FGD5: variants seen among roughly 807,000 people sequenced by gnomAD.
The protein encoded by FGD5 is FYVE, RhoGEF and PH domain containing 5, also known as FYVE, RhoGEF and PH domain-containing protein 5.
In FGD5, 28 loss-of-function variants were observed where a neutral mutation model predicts 133.4. The ratio of observed to expected loss-of-function variants is 0.21; its 90% confidence interval spans 0.16 to 0.29. The LOEUF is 0.29. Ranked by LOEUF, FGD5 falls within the 10% of genes least tolerant of loss-of-function variation. The pLI is 1.00. For missense variants in FGD5, 1,858 were observed against 1,895.2 expected (o/e 0.98, Z 0.36); for synonymous variants, 810 against 776.5 (o/e 1.04, Z -0.72).
intron 1 of FGD5, among the ~76,000 whole-genome samples, chr3:14,853,139 T>TA (rs2037200021): frequency 6.6e-6 from 1 of 152,106 alleles, no homozygotes; most frequent in African/African-American, 2.4e-5. Context: ...TGGTCCCAGT[T>TA]ACAGTGCAAA....
chr3:14,838,314 T>C (rs775782375), intron 1 of FGD5, among the ~76,000 whole-genome samples: 1 of 152,190 alleles, frequency 6.6e-6, no homozygotes, highest in Non-Finnish European at 1.5e-5. Flanking sequence ...CCTGTGTGAT[T>C]AGATTGGGCC....
intron 6 of FGD5, among the ~76,000 whole-genome samples, chr3:14,898,451 A>AG (rs952992248): frequency 6.6e-6 from 1 of 152,140 alleles, no homozygotes; most frequent in African/African-American, 2.4e-5. Context: ...GGGCAGAAAA[A>AG]GGGGGAGCTT....
chr3:14,818,951 T>C (rs1353790687), upstream of FGD5: 1 of 1,443,794 alleles, frequency 6.9e-7, no homozygotes, highest in East Asian at 2.5e-5. Context: ...ATTTTTGTCA[T>C]CTAGATTCAC....
chr3:14,813,738 C>CAG (rs3039751), intron 1 of FGD5, among the ~76,000 whole-genome samples: 47,972 of 151,838 alleles, frequency 0.32, 8,232 homozygotes, highest in African/African-American at 0.44. Flanking sequence ...CCAGTTAAGG[C>CAG]AGAGCCAGGT....
rs754890161 is a variant in FGD5, at chr3:14,910,903, A to G, written c.3379A>G (p.Asn1127Asp). 9 of 1,613,438 alleles carry G rather than the reference A, an allele frequency of 5.6e-6. No homozygotes were observed. Among genetic ancestry groups the G allele is most frequent in the Middle Eastern group, 3.3e-4 (2 of 6,060 alleles). ...GACGCTGATGAAAGTAACAGGGAAA[A>G]ACAGACGGCCCCGGCACCTATTTCT... is the stretch of plus-strand genomic sequence containing the variant. The part of the protein sequence containing the change: ...EGTLMKVTGK[N>D]RRPRHLFLMN... Residue 1127 changes from asparagine (N) to aspartate (D), a missense_variant, in exon 11 of 20, where the codon AAC (asparagine) becomes GAC (aspartate). Coordinates refer to ENST00000285046, the MANE Select transcript of FGD5 (RefSeq NM_152536.4).
Position 14,922,910 on chromosome 3 carries a change from G to A in FGD5, c.3808-136G>A, listed in dbSNP as rs186168029. 46 of 1,254,284 alleles carry A rather than the reference G, an allele frequency of 3.7e-5. No homozygotes were observed. Among genetic ancestry groups the A allele is most frequent in the East Asian group, 2.3e-4 (10 of 42,678 alleles). The allele number at this position is 1,254,284 out of a possible 1,614,324, so 77.7% of individuals were successfully genotyped here. A position where few individuals can be genotyped will look rare whatever the true frequency, so the allele number is the denominator to read the frequency against. Reference sequence around the variant, plus strand: ...GCCTTGCCGGAAAAGTAGGGGACACGCACAGCTCCATGATCAGAACCTGGG... The same window carrying A: ...GCCTTGCCGGAAAAGTAGGGGACACACACAGCTCCATGATCAGAACCTGGG... On this transcript the variant is annotated intron_variant, in intron 15 of 19. Coordinates refer to ENST00000285046, the MANE Select transcript of FGD5 (RefSeq NM_152536.4). This position sits in a 1 kb window ranked among gnomAD's most constrained non-coding sequence, Gnocchi z 4.1.
At position 14,933,174 on chromosome 3, in the gene FGD5, T is replaced by C; in HGVS notation, c.*7T>C. On this transcript the variant is annotated 3_prime_UTR_variant, in exon 20 of 20. Transcript: ENST00000285046. ...AGATGCGAGTGTGTTATAGCAGTTA[T>C]CAAGCATGTGGACTTGTAACAAATT... 1 of 1,613,352 alleles carries C rather than the reference T, an allele frequency of 6.2e-7. No individual in the cohort carries two copies. The highest frequency in any genetic ancestry group is 8.5e-7 in the Non-Finnish European group (1 of 1,179,640).
intron 4 of FGD5, among the ~76,000 whole-genome samples, chr3:14,883,766 T>G (rs557155035): frequency 6.6e-6 from 1 of 152,340 alleles, no homozygotes; most frequent in Non-Finnish European, 1.5e-5. Flanking sequence ...AACAGACAAT[T>G]TACATTACTC....
rs373602766 is a variant in FGD5 at position 14,923,100 on chromosome 3, A to G, written c.3862A>G (p.Arg1288Gly). The G allele has an allele frequency of 7.4e-6, 12 of 1,613,932 alleles. No individual in the cohort carries two copies. The highest frequency in any genetic ancestry group is 5.0e-5 in the Admixed American group (3 of 60,016). Residue 1288 changes from arginine to glycine, a missense_variant, in exon 16 of 20, where the codon AGG becomes GGG. Coordinates refer to ENST00000285046, the MANE Select transcript of FGD5 (RefSeq NM_152536.4). ...NKYPLKYLKDRMAKVCDGCFG... is the reference protein window; with the variant it reads ...NKYPLKYLKDGMAKVCDGCFG... The stretch of plus-strand genomic sequence containing the variant: ...GTACCCGCTGAAGTACCTGAAGGAC[A>G]GGATGGCCAAGGTCTGCGACGGCTG...
At chr3:14,889,586 TAAGC>T (rs2037987524) in intron 4 of FGD5, among the ~76,000 whole-genome samples, 1 of 152,212 alleles carries the variant, frequency 6.6e-6, no homozygotes, top group Non-Finnish European at 1.5e-5. Flanking sequence ...AGTCACGGGA[TAAGC>T]ATAGACATAG....
chr3:14,877,156 G>C (rs578087208), intron 2 of FGD5, among the ~76,000 whole-genome samples: 2 of 152,248 alleles, frequency 1.3e-5, no homozygotes, highest in Non-Finnish European at 2.9e-5. Context: ...CGTCAGCCTC[G>C]GAGTTCATTT....
intron 18 of FGD5, 193 bp from the exon 19 acceptor site, chr3:14,932,384 G>A: frequency 8.6e-6 from 5 of 584,042 alleles, no homozygotes; most frequent in Non-Finnish European, 1.5e-5. Context: ...CACCCAGCCA[G>A]TGTCGTTTCT....
chr3:14,863,979 G>T, intron 1 of FGD5, 149 bp from the exon 2 acceptor site: 1 of 1,135,172 alleles, frequency 8.8e-7, no homozygotes, highest in Non-Finnish European at 1.2e-6. Context: ...ATGGAAGCCA[G>T]TGTGGCTGGG....
chr3:14,846,639 C>T (rs1301459915), intron 1 of FGD5, among the ~76,000 whole-genome samples: 1 of 152,188 alleles, frequency 6.6e-6, no homozygotes, highest in African/African-American at 2.4e-5. Context: ...GAGCCACTGT[C>T]CAGGTCCTCT....
chr3:14,922,323 A>G lies in FGD5; in HGVS notation c.3670-88A>G, dbSNP rs2038699320. ...CACCCACACATCACACACCCTGCAC[A>G]GAGACGCAGGGCAGGGCTCACTGGG... is the stretch of plus-strand genomic sequence containing the variant. On this transcript the variant is annotated intron_variant, in intron 14 of 19. Coordinates refer to ENST00000285046, the MANE Select transcript of FGD5 (RefSeq NM_152536.4). This position sits in a 1 kb window ranked among gnomAD's most constrained non-coding sequence, Gnocchi z 4.1. 1 of 1,510,172 alleles carries G rather than the reference A, an allele frequency of 6.6e-7. No homozygotes were observed. The highest frequency in any genetic ancestry group is 2.5e-5 in the East Asian group (1 of 40,614). 93.5% of individuals were successfully genotyped at this position (1,510,172 alleles called of 1,614,324 possible).
upstream of FGD5, among the ~76,000 whole-genome samples, chr3:14,814,050 C>T (rs529842564): frequency 6.6e-6 from 1 of 152,262 alleles, no homozygotes; most frequent in East Asian, 1.9e-4. Context: ...GAGTTTGAGT[C>T]ATCCTCGGGC....
At chr3:14,877,156 G>A (rs578087208) in intron 2 of FGD5, among the ~76,000 whole-genome samples, 1 of 152,248 alleles carries the variant, frequency 6.6e-6, no homozygotes, top group Non-Finnish European at 1.5e-5. Flanking sequence ...CGTCAGCCTC[G>A]GAGTTCATTT....
chr3:14,889,401 G>A (rs2037983801), intron 4 of FGD5, among the ~76,000 whole-genome samples: 1 of 152,172 alleles, frequency 6.6e-6, no homozygotes, highest in Non-Finnish European at 1.5e-5. Context: ...GTGAGATTTA[G>A]CCAGCTGTTC....
intron 1 of FGD5, among the ~76,000 whole-genome samples, chr3:14,841,136 A>G (rs2036914044): frequency 6.6e-6 from 1 of 152,138 alleles, no homozygotes; most frequent in African/African-American, 2.4e-5. Context: ...GCGTTTGAGT[A>G]TGTTTCCATG....
Sources: allele counts gnomAD v4.1 joint callset (sites outside exome capture counted in the v4.1 genomes callset), GRCh38; gene constraint gnomAD v4.1.1; non-coding constraint Gnocchi (gnomAD v3.1); transcripts MANE v1.5; gene names NCBI Gene and HGNC (gene_info 2026-07-23, HGNC 2026-07-21).